The following AMPH variants were observed in gnomAD, a reference collection of about 807,000 sequenced individuals.
AMPH encodes amphiphysin (Stiff-Mann syndrome with breast cancer 128kD autoantigen).
AMPH carries 49 observed loss-of-function variants against 99.1 expected under a neutral mutation model. That is an observed-to-expected ratio of 0.49 (90% CI 0.39 to 0.63). The LOEUF (loss-of-function observed/expected upper bound fraction) is 0.63, where lower values mean the gene tolerates loss of function less well. Among genes scored for constraint, AMPH ranks in the 20% least tolerant of loss-of-function variants. The pLI, the probability that AMPH is intolerant of heterozygous loss-of-function variation, is 0.00. For synonymous variants in AMPH, 314 were observed against 317.3 expected (o/e 0.99, Z 0.11); for missense variants, 759 against 863.4 (o/e 0.88, Z 1.52).
At chr7:38,473,710 CAAAAAAAAAAAAAAAAAAAAAAAA>C (rs70977409) in intron 7 of AMPH, among the ~76,000 whole-genome samples, 2 of 3,780 alleles carry the variant, frequency 5.3e-4, no homozygotes, top group Non-Finnish European at 4.1e-4. Flanking sequence ...GACTCCGTCT[CAAAAAAAAAAAAAAAAAAAAAAAA>C]AAAAAAAAAA....
intron 1 of AMPH, among the ~76,000 whole-genome samples, chr7:38,599,912 T>C (rs866777302): frequency 6.6e-6 from 1 of 152,030 alleles, no homozygotes; most frequent in African/African-American, 2.4e-5. Flanking sequence ...TCCACTGTTA[T>C]GAGTCTCCTC....
At chr7:38,513,609 T>C (rs1562800379) in intron 2 of AMPH, among the ~76,000 whole-genome samples, 1 of 152,214 alleles carries the variant, frequency 6.6e-6, no homozygotes, top group Non-Finnish European at 1.5e-5. Context: ...AGAAGACTTT[T>C]GTGCACTAGA....
At chr7:38,527,851 T>C (rs1790246692) in intron 2 of AMPH, among the ~76,000 whole-genome samples, 1 of 152,214 alleles carries the variant, frequency 6.6e-6, no homozygotes. Flanking sequence ...TCTGTTACCA[T>C]TAATTATGAT....
At chr7:38,392,374 G>GTTTTTTTT (rs1562722574) in intron 18 of AMPH, among the ~76,000 whole-genome samples, 5 of 90,152 alleles carry the variant, frequency 5.5e-5, no homozygotes, top group South Asian at 3.8e-4. Flanking sequence ...GGCCGGCCTG[G>GTTTTTTTT]TTCTTTTTTT....
chr7:38,465,607 G>T, intron 8 of AMPH, 58 bp from the exon 9 acceptor site: 1 of 1,448,014 alleles, frequency 6.9e-7, no homozygotes, highest in Non-Finnish European at 9.5e-7. Context: ...GCCAATTCAG[G>T]CTATTCTCCC....
At chr7:38,407,454 C>T (rs1225192818) in intron 17 of AMPH, among the ~76,000 whole-genome samples, 1 of 151,602 alleles carries the variant, frequency 6.6e-6, no homozygotes, top group Non-Finnish European at 1.5e-5. Context: ...GGCATTGGAG[C>T]TCCAAAAGTG....
At chr7:38,445,384 A>C (rs1216486928) in intron 11 of AMPH, among the ~76,000 whole-genome samples, 3 of 152,196 alleles carry the variant, frequency 2.0e-5, no homozygotes, top group African/African-American at 7.2e-5. Flanking sequence ...TAGATGTTAC[A>C]TGAAATATAT....
intron 1 of AMPH, among the ~76,000 whole-genome samples, chr7:38,629,651 A>C (rs1040327549): frequency 6.6e-6 from 1 of 152,232 alleles, no homozygotes; most frequent in African/African-American, 2.4e-5. Flanking sequence ...TCACAGATGG[A>C]AAGTGGATTC....
intron 3 of AMPH, among the ~76,000 whole-genome samples, chr7:38,503,014 C>T (rs938598689): frequency 6.6e-6 from 1 of 150,944 alleles, no homozygotes; most frequent in African/African-American, 2.4e-5. Context: ...TGACTCAGGG[C>T]AGGCAGCGTG....
At chr7:38,397,333 T>G (rs888182156) in intron 17 of AMPH, among the ~76,000 whole-genome samples, 3 of 152,344 alleles carry the variant, frequency 2.0e-5, no homozygotes, top group Admixed American at 6.5e-5. Context: ...TTTTTAAACT[T>G]GTTCCATACG....
intron 1 of AMPH, among the ~76,000 whole-genome samples, chr7:38,579,658 G>A (rs890584124): frequency 6.6e-6 from 1 of 152,160 alleles, no homozygotes; most frequent in African/African-American, 2.4e-5. Context: ...TCTTACAAAA[G>A]AGGCAACAGT....
In AMPH at chr7:38,491,068, C is replaced by G. The variant is rs1260222227; in HGVS notation, c.378G>C (p.Gly126=). Residue 126 remains glycine (G), a synonymous_variant, in exon 5 of 21, where the codon GGG becomes GGC. Coordinates refer to ENST00000356264, the MANE Select transcript of AMPH (RefSeq NM_001635.4). ...GSLLTLDTYL[G]QFPDIKNRIA... The stretch of plus-strand genomic sequence containing the variant: ...AAAATACCTTTATGTCAGGAAATTG[C>G]CCCAGGTAGGTATCCAGTGTTAGCA... 6.2e-7 allele frequency: 1 copy of G among 1,611,406 alleles called. No homozygotes were observed. The highest frequency in any genetic ancestry group is 8.5e-7 in the Non-Finnish European group (1 of 1,177,906).
In AMPH at chr7:38,434,833, G is replaced by A. The variant is rs186813248; in HGVS notation, c.1134+1439C>T. Among the ~76,000 whole-genome samples the A allele has an allele frequency of 1.7e-3, 259 of 152,182 alleles. 1 individual carries two copies. Among genetic ancestry groups the A allele is most frequent in the African/African-American group, 6.0e-3 (250 of 41,530 alleles). On this transcript the variant is annotated intron_variant, in intron 12 of 20. Transcript: ENST00000356264. ...TATATAATGAGAAATCTCTGAGAAG[G>A]AAGTATATTCAATTATATGTACATT...
rs752512125 is a variant in AMPH at position 38,426,919 on chromosome 7, A to C, written c.1215+35T>G. Reference sequence around the variant, plus strand: ...ATTGAAAAAAATGTGCATCATTCTCAGCAGATGGATCTTGTAAGAAAACAG... The same window carrying C: ...ATTGAAAAAAATGTGCATCATTCTCCGCAGATGGATCTTGTAAGAAAACAG... On this transcript the variant is annotated intron_variant, in intron 15 of 20. Transcript: ENST00000356264. The C allele has an allele frequency of 1.9e-5, 31 of 1,601,818 alleles. No homozygotes were observed. In the South Asian group the frequency reaches 3.4e-4, roughly 18 times the overall value.
At chr7:38,571,829 A>T (rs1477997300) in intron 1 of AMPH, among the ~76,000 whole-genome samples, 2 of 151,654 alleles carry the variant, frequency 1.3e-5, no homozygotes, top group African/African-American at 4.8e-5. Context: ...ACATTCACTC[A>T]CCACTCACTC....
chr7:38,429,255 G>A, intron 14 of AMPH: 1 of 1,286,512 alleles, frequency 7.8e-7, no homozygotes, highest in Middle Eastern at 2.1e-4. Context: ...CTCCGGCGCA[G>A]GCTTTGGGGG....
At chr7:38,592,370 C>T (rs562006312) in intron 1 of AMPH, among the ~76,000 whole-genome samples, 1 of 152,170 alleles carries the variant, frequency 6.6e-6, no homozygotes, top group East Asian at 1.9e-4. Context: ...TCACAGCTAC[C>T]ATGGCCCCTT....
chr7:38,473,494 G>A lies in AMPH; in HGVS notation c.590+1837C>T. Among the ~76,000 whole-genome samples the A allele has an allele frequency of 3.0e-5, 2 of 66,870 alleles. 1 individual carries two copies. The highest frequency in any genetic ancestry group is 5.5e-5 in the Non-Finnish European group (2 of 36,160). 43.9% of individuals were successfully genotyped at this position (66,870 alleles called of 152,430 possible). ...CCGAGGCGGGTGGATCATGAGGTCAGGAGATCGAGACCATCCTGGCTAACA... is the reference window on the plus strand; with the variant it reads ...CCGAGGCGGGTGGATCATGAGGTCAAGAGATCGAGACCATCCTGGCTAACA... On this transcript the variant is annotated intron_variant, in intron 7 of 20. Transcript: ENST00000356264.
intron 1 of AMPH, among the ~76,000 whole-genome samples, chr7:38,554,638 G>A (rs989364587): frequency 1.1e-4 from 17 of 152,186 alleles, no homozygotes; most frequent in African/African-American, 4.1e-4. Flanking sequence ...CTTAAATTAT[G>A]AGTGGGCTAG....
Sources: allele counts gnomAD v4.1 joint callset (sites outside exome capture counted in the v4.1 genomes callset), GRCh38; gene constraint gnomAD v4.1.1; transcripts MANE v1.5; gene names NCBI Gene and HGNC (gene_info 2026-07-23, HGNC 2026-07-21).